NDST4: variants seen among roughly 807,000 people sequenced by gnomAD.
NDST4 encodes the protein N-heparan sulfate sulfotransferase 4.
In NDST4, 63 loss-of-function variants were observed where a neutral mutation model predicts 100.8. The ratio of observed to expected loss-of-function variants is 0.62; its 90% CI spans 0.51 to 0.77. The LOEUF is 0.77. Among genes scored for constraint, NDST4 ranks in the 30% least tolerant of loss-of-function variants. NDST4 has a pLI of 0.00. For missense variants in NDST4, 943 were observed against 1,018.4 expected, an observed-to-expected ratio of 0.93 and a Z score of 1.01; for synonymous variants, 377 against 361.8, an observed-to-expected ratio of 1.04 and a Z score of -0.48.
intron 2 of NDST4, among the ~76,000 whole-genome samples, chr4:115,075,313 GTTTCTCCAT>G (rs1326525730): frequency 6.6e-6 from 1 of 152,154 alleles, no homozygotes; most frequent in Non-Finnish European, 1.5e-5. Context: ...GTCTTGTGCT[GTTTCTCCAT>G]TTTCTATTTA....
intron 6 of NDST4, among the ~76,000 whole-genome samples, chr4:114,932,736 C>T (rs1173165161): frequency 2.6e-5 from 4 of 151,850 alleles, no homozygotes; most frequent in Admixed American, 6.6e-5. Flanking sequence ...CCATTTACAA[C>T]AGCATCAAAA....
chr4:115,015,533 T>C (rs1266895740), intron 2 of NDST4, among the ~76,000 whole-genome samples: 1 of 152,050 alleles, frequency 6.6e-6, no homozygotes, highest in Non-Finnish European at 1.5e-5. Context: ...GGAAAAATAA[T>C]TGAAAAATTG....
At chr4:114,990,961 C>T (rs896866214) in intron 2 of NDST4, among the ~76,000 whole-genome samples, 1 of 152,004 alleles carries the variant, frequency 6.6e-6, no homozygotes, top group Middle Eastern at 3.2e-3. Flanking sequence ...AAGGCCTGAA[C>T]ACTAACCTCA....
chr4:115,078,387 T>G (rs903755098), intron 1 of NDST4, among the ~76,000 whole-genome samples: 9 of 152,148 alleles, frequency 5.9e-5, no homozygotes, highest in Admixed American at 5.2e-4. Context: ...GTGACCAAAA[T>G]GCTGATAGTG....
At chr4:114,989,899 T>C (rs1726998933) in intron 2 of NDST4, among the ~76,000 whole-genome samples, 1 of 152,186 alleles carries the variant, frequency 6.6e-6, no homozygotes, top group African/African-American at 2.4e-5. Flanking sequence ...TGAACACTGT[T>C]TGCAAAGTAC....
intron 2 of NDST4, among the ~76,000 whole-genome samples, chr4:115,041,037 G>T (rs1416334677): frequency 2.0e-5 from 3 of 151,972 alleles, no homozygotes; most frequent in South Asian, 2.1e-4. Context: ...TAGAAGAGAA[G>T]TTTCTCTTTA....
chr4:114,928,918 T>C (rs1427151002), intron 6 of NDST4, among the ~76,000 whole-genome samples: 1 of 152,076 alleles, frequency 6.6e-6, no homozygotes, highest in Non-Finnish European at 1.5e-5. Flanking sequence ...TTCCTGGGTC[T>C]CCCCAGCTTC....
intron 12 of NDST4, among the ~76,000 whole-genome samples, chr4:114,830,211 A>C (rs920788843): frequency 6.6e-6 from 1 of 152,206 alleles, no homozygotes; most frequent in Non-Finnish European, 1.5e-5. Flanking sequence ...CTGAAATTAC[A>C]GCCAATATAT....
At chr4:114,870,325 G>T (rs1194511232) in intron 7 of NDST4, among the ~76,000 whole-genome samples, 1 of 152,076 alleles carries the variant, frequency 6.6e-6, no homozygotes, top group Non-Finnish European at 1.5e-5. Context: ...GGTGAAAATT[G>T]CTTTTCCTTT....
chr4:114,913,202 A>G (rs544160688), intron 6 of NDST4, among the ~76,000 whole-genome samples: 1 of 152,034 alleles, frequency 6.6e-6, no homozygotes. Context: ...ACTGTATGTT[A>G]AATATTGACA....
intron 4 of NDST4, among the ~76,000 whole-genome samples, chr4:114,950,224 C>T (rs1359598977): frequency 6.6e-6 from 1 of 152,014 alleles, no homozygotes; most frequent in Non-Finnish European, 1.5e-5. Flanking sequence ...ACAAAGCTTC[C>T]TCTGGAGCCA....
intron 2 of NDST4, among the ~76,000 whole-genome samples, chr4:114,996,392 TA>T (rs1321548222): frequency 1.3e-5 from 2 of 152,078 alleles, no homozygotes; most frequent in Non-Finnish European, 2.9e-5. Context: ...CTTTATAAAT[TA>T]CTCAGACCTG....
chr4:115,056,122 C>T (rs959409469), intron 2 of NDST4, among the ~76,000 whole-genome samples: 4 of 151,966 alleles, frequency 2.6e-5, no homozygotes, highest in African/African-American at 7.3e-5. Flanking sequence ...GAGGTCAAGG[C>T]GAGTAGAGGG....
chr4:114,950,706 T>C (rs1190809641), intron 4 of NDST4, among the ~76,000 whole-genome samples: 1 of 152,088 alleles, frequency 6.6e-6, no homozygotes, highest in Non-Finnish European at 1.5e-5. Context: ...TTTCTGCTAC[T>C]GCTCCCTCTG....
intron 4 of NDST4, among the ~76,000 whole-genome samples, chr4:114,969,319 A>C (rs1726454888): frequency 7.5e-6 from 1 of 134,040 alleles, no homozygotes; most frequent in African/African-American, 2.9e-5. Context: ...GTCTCAAAAA[A>C]AGAAAAAAAA....
intron 2 of NDST4, among the ~76,000 whole-genome samples, chr4:115,047,783 A>G (rs1728496322): frequency 6.6e-6 from 1 of 152,138 alleles, no homozygotes; most frequent in South Asian, 2.1e-4. Flanking sequence ...TGATGGCTAT[A>G]TATCTATGTA....
chr4:114,914,722 GT>G (rs2126216408), intron 6 of NDST4, among the ~76,000 whole-genome samples: 1 of 152,212 alleles, frequency 6.6e-6, no homozygotes, highest in Admixed American at 6.5e-5. Context: ...CTAAATTCAA[GT>G]TTTGTTTTTG....
intron 2 of NDST4, among the ~76,000 whole-genome samples, chr4:115,040,650 C>A (rs1024372723): frequency 2.6e-5 from 4 of 151,886 alleles, no homozygotes; most frequent in Admixed American, 1.3e-4. Context: ...CAGCTCGTAG[C>A]CATGAAATGC....
intron 2 of NDST4, among the ~76,000 whole-genome samples, chr4:115,049,108 A>T (rs1039800522): frequency 6.6e-6 from 1 of 152,180 alleles, no homozygotes. Context: ...AATTAGAACC[A>T]CTTGACTTGT....
Sources: allele counts gnomAD v4.1 joint callset (sites outside exome capture counted in the v4.1 genomes callset), GRCh38; gene constraint gnomAD v4.1.1; transcripts MANE v1.5; gene names NCBI Gene and HGNC (gene_info 2026-07-23, HGNC 2026-07-21).